Variants in PEAK1 observed in about 807,000 individuals in gnomAD.
PEAK1 encodes the protein pseudopodium enriched atypical kinase 1, also known as inactive tyrosine-protein kinase PEAK1.
A neutral mutation model predicts 124.7 loss-of-function variants in PEAK1; 54 were observed. The ratio of observed to expected loss-of-function variants is 0.43; its 90% CI spans 0.35 to 0.54. PEAK1 has a LOEUF of 0.54. PEAK1 is among the 20% of genes least tolerant of loss of function. The pLI is 0.01. For synonymous variants in PEAK1, 719 were observed against 760.0 expected (o/e 0.95, Z 0.89); for missense variants, 2,046 against 2,134.5 (o/e 0.96, Z 0.82).
intron 7 of PEAK1, among the ~76,000 whole-genome samples, chr15:77,172,668 AG>A (rs1291808033): frequency 6.6e-6 from 1 of 152,224 alleles, no homozygotes; most frequent in African/African-American, 2.4e-5. Flanking sequence ...TTTGTTACAC[AG>A]CAGAAGTATT....
Position 77,257,130 on chromosome 15 carries a change from T to C in PEAK1, c.-274-4604A>G, listed in dbSNP as rs547670552. On this transcript the variant is annotated intron_variant, in intron 5 of 9. Transcript: ENST00000682557. ...TTTTCTTAATCCAGTCTATCATTGA[T>C]GGACATTTGGGTTGGTTCCAAGTCT... Among the ~76,000 whole-genome samples, 41 of 152,316 alleles carry C rather than the reference T, an allele frequency of 2.7e-4. 1 individual carries two copies. The highest frequency in any genetic ancestry group is 1.6e-3 in the Admixed American group (25 of 15,288).
chr15:77,290,462 A>T (rs2063156250), intron 2 of PEAK1, among the ~76,000 whole-genome samples: 1 of 151,926 alleles, frequency 6.6e-6, no homozygotes, highest in African/African-American at 2.4e-5. Flanking sequence ...CATGTTGGCC[A>T]GGCTGGTCTC....
chr15:77,208,843 A>C (rs562351806), intron 6 of PEAK1, among the ~76,000 whole-genome samples: 12 of 152,314 alleles, frequency 7.9e-5, no homozygotes, highest in East Asian at 5.8e-4. Context: ...GAATGGCCTA[A>C]GAAAAATAGG....
chr15:77,224,504 T>C (rs544017047), intron 6 of PEAK1, among the ~76,000 whole-genome samples: 1 of 152,214 alleles, frequency 6.6e-6, no homozygotes, highest in South Asian at 2.1e-4. Context: ...ATGGTTAAAG[T>C]CTGCCTTATT....
intron 6 of PEAK1, among the ~76,000 whole-genome samples, chr15:77,217,514 CGTTCCTG>C (rs1242602281): frequency 6.6e-6 from 1 of 152,170 alleles, no homozygotes; most frequent in African/African-American, 2.4e-5. Context: ...ACCACAGCAA[CGTTCCTG>C]GTTCATTCTT....
At chr15:77,271,117 G>A (rs957382736) in intron 5 of PEAK1, among the ~76,000 whole-genome samples, 16 of 152,034 alleles carry the variant, frequency 1.1e-4, no homozygotes, top group South Asian at 2.1e-4. Context: ...AAAAGTGGGC[G>A]AAGGACATGA....
Position 77,133,844 on chromosome 15 carries a change from C to T in PEAK1, c.3332-94G>A. 5 of 1,333,582 alleles carry T rather than the reference C, an allele frequency of 3.7e-6. No individual in the cohort carries two copies. Among genetic ancestry groups the T allele is most frequent in the Non-Finnish European group, 5.0e-6 (5 of 1,003,508 alleles). The allele number at this position is 1,333,582 out of a possible 1,614,324, so 82.6% of individuals were successfully genotyped here. A position where few individuals can be genotyped will look rare whatever the true frequency, so the allele number is the denominator to read the frequency against. ...ACTTGAGCAGAAATGAGTGAGGTAG[C>T]CATGGGAATGTAAGAATAAGTCAAC... On this transcript the variant is annotated intron_variant, in intron 8 of 9. Transcript: ENST00000682557. The surrounding 1 kb of genome is among the most constrained non-coding windows in gnomAD (Gnocchi z 4.2).
At chr15:77,316,442 T>C (rs1335497515) in intron 2 of PEAK1, among the ~76,000 whole-genome samples, 1 of 152,212 alleles carries the variant, frequency 6.6e-6, no homozygotes. Context: ...TATCACAAAG[T>C]TATTTTCTCT....
chr15:77,382,237 CTGACT>C (rs1171226261), intron 1 of PEAK1, among the ~76,000 whole-genome samples: 4 of 152,300 alleles, frequency 2.6e-5, no homozygotes, highest in African/African-American at 9.6e-5. Context: ...GGGCAAAGTT[CTGACT>C]TGACAGCCTG....
At chr15:77,309,658 T>A (rs1284949663) in intron 2 of PEAK1, among the ~76,000 whole-genome samples, 1 of 152,128 alleles carries the variant, frequency 6.6e-6, no homozygotes. Context: ...CCACCCTTTA[T>A]TTAATCCACC....
rs1249673661 is a variant in PEAK1 at position 77,115,052 on chromosome 15, C to T, written c.4345G>A (p.Gly1449Arg). ...EAASSQKENQ[G>R]VMSKKQRSHV... ...CTCCTCTGCTTCTTGCTCATGACTC[C>T]CTGATTCTCTTTCTGGGATGATGCT... The change falls in exon 10 of 10, where the codon GGA becomes AGA. Residue 1449 changes from glycine to arginine, a missense_variant. Transcript: ENST00000682557. 1.2e-6 allele frequency: 2 copies of T among 1,614,152 alleles called. No homozygotes were observed. Among genetic ancestry groups the T allele is most frequent in the African/African-American group, 2.7e-5 (2 of 75,030 alleles).
intron 1 of PEAK1, among the ~76,000 whole-genome samples, chr15:77,397,719 A>C (rs2071011007): frequency 6.6e-6 from 1 of 152,164 alleles, no homozygotes; most frequent in South Asian, 2.1e-4. Flanking sequence ...CAACCTACAA[A>C]GATTGAATCA....
chr15:77,365,304 G>T, intron 1 of PEAK1, 79 bp from the exon 2 acceptor site: 1 of 519,974 alleles, frequency 1.9e-6, no homozygotes, highest in Non-Finnish European at 2.5e-6. Flanking sequence ...TATTTCAATA[G>T]AACCCTAACT....
Position 77,112,640 on chromosome 15 carries a change from C to T in PEAK1, c.*1516G>A, listed in dbSNP as rs2051044424. 2 of 148,848 alleles carry T rather than the reference C, an allele frequency of 1.3e-5. No homozygotes were observed. Among genetic ancestry groups the T allele is most frequent in the African/African-American group, 2.5e-5 (1 of 39,978 alleles). The allele number at this position is 148,848 out of a possible 1,614,324, so 9.2% of individuals were successfully genotyped here. ...CTCACAGTTTTGAATAAAACAAGCA[C>T]AGGTGAACATGTGTATACATACACA... On this transcript the variant is annotated 3_prime_UTR_variant, in exon 10 of 10. Transcript: ENST00000682557.
intron 1 of PEAK1, among the ~76,000 whole-genome samples, chr15:77,414,163 T>A (rs1388919337): frequency 2.6e-5 from 4 of 151,630 alleles, no homozygotes; most frequent in Non-Finnish European, 4.4e-5. Context: ...CTTCCTTCTT[T>A]CTCTTTCCTT....
At chr15:77,182,749 C>CAATAAAAAAA (rs71447145) in intron 6 of PEAK1, among the ~76,000 whole-genome samples, 1 of 65,144 alleles carries the variant, frequency 1.5e-5, no homozygotes, top group African/African-American at 6.2e-5. Context: ...GACCTTGTCT[C>CAATAAAAAAA]AAAAAAAAAA....
At chr15:77,249,182 A>C (rs1410919696) in intron 6 of PEAK1, among the ~76,000 whole-genome samples, 1 of 152,000 alleles carries the variant, frequency 6.6e-6, no homozygotes, top group Non-Finnish European at 1.5e-5. Flanking sequence ...TTCCCTATAA[A>C]AGGAAAGTTT....
intron 2 of PEAK1, among the ~76,000 whole-genome samples, chr15:77,310,031 A>G (rs1597227605): frequency 6.6e-6 from 1 of 152,192 alleles, no homozygotes; most frequent in East Asian, 1.9e-4. Context: ...CTAGTGGACT[A>G]AATTTGTAAG....
At chr15:77,420,907 CGTGAA>C (rs1428094504), upstream of PEAK1, 1 of 398,760 alleles carries the variant, frequency 2.5e-6, no homozygotes, top group Non-Finnish European at 4.4e-6. Context: ...ACGACGAGTG[CGTGAA>C]GTGAAGGCGA....
Sources: gnomAD v4.1 joint callset for allele counts (sites outside exome capture counted in the v4.1 genomes callset) on GRCh38, gnomAD v4.1.1 for gene constraint, Gnocchi (gnomAD v3.1) non-coding constraint, MANE v1.5 for transcripts, NCBI Gene and HGNC (gene_info 2026-07-23, HGNC 2026-07-21) for gene names.